The following PCDHA13 variants were observed in gnomAD, a reference collection of about 807,000 sequenced individuals.
PCDHA13 encodes the protein protocadherin alpha-13.
A neutral mutation model predicts 64.8 loss-of-function variants in PCDHA13; 54 were observed. That is an observed-to-expected ratio of 0.83 (90% CI 0.67 to 1.04). The LOEUF (loss-of-function observed/expected upper bound fraction) is 1.04, where lower values mean the gene tolerates loss of function less well. Ranked by LOEUF, PCDHA13 falls within the 50% of genes least tolerant of loss-of-function variation. The pLI is 0.00. For synonymous variants in PCDHA13, 587 were observed against 564.4 expected, an observed-to-expected ratio of 1.04 and a Z score of -0.57; for missense variants, 1,248 against 1,254.3, an observed-to-expected ratio of 0.99 and a Z score of 0.08.
At chr5:140,982,816 G>A (rs970352633) in intron 3 of PCDHA13, among the ~76,000 whole-genome samples, 9 of 151,630 alleles carry the variant, frequency 5.9e-5, no homozygotes, top group Non-Finnish European at 1.0e-4. Flanking sequence ...TGTGTATGAA[G>A]TTTTTGGGGT....
rs868946985 is a variant in PCDHA13, at chr5:140,985,825, T to C, written c.2542+3262T>C. ...CACGATCTCAGCTCACAACAAGCTC[T>C]GCCTCCCGGGTTCATGCCACTCTCC... On this transcript the variant is annotated intron_variant, in intron 3 of 3. Transcript: ENST00000289272. 4.1e-4 allele frequency among the ~76,000 whole-genome samples: 61 copies of C among 148,858 alleles called. 1 individual carries two copies. The highest frequency in any genetic ancestry group is 2.7e-4 in the Admixed American group (4 of 14,688).
intron 1 of PCDHA13, chr5:140,968,987 T>C: frequency 6.2e-7 from 1 of 1,614,224 alleles, no homozygotes; most frequent in Non-Finnish European, 8.5e-7. Context: ...TGGCACTGCA[T>C]GCTGTGGAGG....
At chr5:140,947,140 A>G (rs2094093806) in intron 1 of PCDHA13, among the ~76,000 whole-genome samples, 1 of 151,464 alleles carries the variant, frequency 6.6e-6, no homozygotes, top group Admixed American at 6.6e-5. Context: ...AGTAAAATGT[A>G]TAGTTACTTC....
intron 1 of PCDHA13, among the ~76,000 whole-genome samples, chr5:140,963,640 CT>C (rs1426012343): frequency 6.6e-6 from 1 of 152,164 alleles, no homozygotes; most frequent in African/African-American, 2.4e-5. Flanking sequence ...CGCATCTTCC[CT>C]ATCATGGTTG....
chr5:140,997,131 C>T (rs577407385), intron 3 of PCDHA13, among the ~76,000 whole-genome samples: 26 of 152,126 alleles, frequency 1.7e-4, no homozygotes, highest in African/African-American at 6.0e-4. Flanking sequence ...ACACAATGCC[C>T]CCACACCCCC....
chr5:140,953,316 T>G (rs782746401), intron 1 of PCDHA13, among the ~76,000 whole-genome samples: 3 of 152,138 alleles, frequency 2.0e-5, no homozygotes, highest in Non-Finnish European at 2.9e-5. Flanking sequence ...TGGGAAGAAT[T>G]TGATCATAGA....
At chr5:140,949,237 A>G (rs1239213091) in intron 1 of PCDHA13, among the ~76,000 whole-genome samples, 1 of 151,790 alleles carries the variant, frequency 6.6e-6, no homozygotes, top group South Asian at 2.1e-4. Context: ...GTGGCCCAGC[A>G]ACAGTCTATC....
intron 1 of PCDHA13, among the ~76,000 whole-genome samples, chr5:140,910,225 T>C (rs1194368347): frequency 6.6e-6 from 1 of 152,232 alleles, no homozygotes; most frequent in Non-Finnish European, 1.5e-5. Flanking sequence ...TTTCTGCTTA[T>C]ATAAATTAAA....
chr5:140,896,687 T>G (rs782089227), intron 1 of PCDHA13, among the ~76,000 whole-genome samples: 2 of 152,170 alleles, frequency 1.3e-5, no homozygotes, highest in Non-Finnish European at 2.9e-5. Context: ...CTTTGCCCAT[T>G]TTTTGATGAG....
chr5:141,009,739 C>A lies in PCDHA13; in HGVS notation c.2655C>A (p.Pro885=), dbSNP rs370989006. Residue 885 remains proline, a synonymous_variant, in exon 4 of 4, where the codon CCC becomes CCA. Transcript: ENST00000289272. ...AACAATCCGGTCCCGGTGAGTTGCC[C>A]GACAAATTCATTATCCCAGGATCTC... ...NPKQSGPGEL[P]DKFIIPGSPA... 2 of 1,614,010 alleles carry A rather than the reference C, an allele frequency of 1.2e-6. No homozygotes were observed. Among genetic ancestry groups the A allele is most frequent in the Non-Finnish European group, 1.7e-6 (2 of 1,180,008 alleles).
At chr5:140,891,494 C>T (rs548491891) in intron 1 of PCDHA13, among the ~76,000 whole-genome samples, 1 of 151,678 alleles carries the variant, frequency 6.6e-6, no homozygotes, top group South Asian at 2.1e-4. Flanking sequence ...TGAGCATATC[C>T]TCAGCTATAA....
intron 1 of PCDHA13, chr5:140,928,599 T>G: frequency 6.2e-7 from 1 of 1,614,224 alleles, no homozygotes. Context: ...CAGTGGAAAT[T>G]GTGCCCCGCT....
intron 1 of PCDHA13, among the ~76,000 whole-genome samples, chr5:140,947,275 T>C (rs246050): frequency 1.3e-5 from 2 of 151,244 alleles, no homozygotes; most frequent in Non-Finnish European, 3.0e-5. Flanking sequence ...GAAAATACTT[T>C]TTCTTTTTAT....
At chr5:140,955,907 C>A (rs1356508512) in intron 1 of PCDHA13, among the ~76,000 whole-genome samples, 3 of 152,126 alleles carry the variant, frequency 2.0e-5, no homozygotes, top group East Asian at 3.8e-4. Flanking sequence ...CTCTTTGTAG[C>A]AATTGTGAAT....
Position 140,884,328 on chromosome 5 carries a change from T to C in PCDHA13, c.2060T>C (p.Val687Ala). 2 of 1,613,822 alleles carry C rather than the reference T, an allele frequency of 1.2e-6. No individual in the cohort carries two copies. Among genetic ancestry groups the C allele is most frequent in the Non-Finnish European group, 1.7e-6 (2 of 1,179,852 alleles). Residue 687 changes from valine to alanine, a missense_variant, in exon 1 of 4, where the codon GTG (valine) becomes GCG (alanine). Val to Ala is a moderately conservative substitution (Grantham distance 64). Transcript: ENST00000289272. The part of the protein sequence containing the change: ...QASSRASAGA[V>A]GPEAALVDVN... Reference sequence around the variant, plus strand: ...TCGTCGAGGGCGTCGGCAGGCGCTGTGGGTCCAGAAGCGGCGCTGGTGGAT... The same window carrying C: ...TCGTCGAGGGCGTCGGCAGGCGCTGCGGGTCCAGAAGCGGCGCTGGTGGAT...
intron 1 of PCDHA13, chr5:140,968,679 A>T: frequency 6.2e-7 from 1 of 1,614,176 alleles, no homozygotes; most frequent in South Asian, 1.1e-5. Flanking sequence ...GTAGAGCTGC[A>T]CACAGGAGAA....
At position 140,913,249 on chromosome 5, in the gene PCDHA13, A is replaced by G. The variant is rs1389386272; in HGVS notation, c.2394+28587A>G. ...CTTTGCTGGGAGACTTTTTGTTACA[A>G]CTTTGATCTAATTACTTGTTATTGG... On this transcript the variant is annotated intron_variant, in intron 1 of 3. Transcript: ENST00000289272. Among the ~76,000 whole-genome samples the G allele has an allele frequency of 4.6e-5, 7 of 152,262 alleles. No individual in the cohort carries two copies. The East Asian group carries it at 9.6e-4, about 21-fold the overall frequency.
Position 140,883,031 on chromosome 5 carries a change from G to A in PCDHA13, c.763G>A (p.Ala255Thr). The change falls in exon 1 of 4, where the codon GCC (alanine) becomes ACC (threonine). Residue 255 changes from alanine to threonine, a missense_variant. Ala to Thr is a moderately conservative substitution (Grantham distance 58, BLOSUM62 0). Transcript: ENST00000289272. ...SVYKVTVLEN[A>T]FNGTLVIKLN... is the part of the protein sequence containing the mutation. ...TTATAAAGTGACGGTGTTAGAGAAC[G>A]CCTTCAATGGAACATTAGTGATCAA... 1 of 1,614,078 alleles carries A rather than the reference G, an allele frequency of 6.2e-7. No homozygotes were observed. The highest frequency in any genetic ancestry group is 8.5e-7 in the Non-Finnish European group (1 of 1,180,036).
intron 1 of PCDHA13, chr5:140,928,975 T>C (rs2085693610): frequency 1.9e-6 from 3 of 1,613,806 alleles, no homozygotes; most frequent in African/African-American, 1.3e-5. Context: ...TTCCTTTTTA[T>C]TTCTGGGGTG....
Sources: allele counts gnomAD v4.1 joint callset (sites outside exome capture counted in the v4.1 genomes callset), GRCh38; gene constraint gnomAD v4.1.1; transcripts MANE v1.5; gene names NCBI Gene and HGNC (gene_info 2026-07-23, HGNC 2026-07-21).